The following TMTC1 variants were observed in gnomAD, a reference collection of about 807,000 sequenced individuals.
TMTC1 encodes the protein transmembrane O-mannosyltransferase targeting cadherins 1.
A neutral mutation model predicts 104.8 loss-of-function variants in TMTC1; 73 were observed. The observed-to-expected ratio is 0.70, with a 90% CI of 0.58 to 0.85. The LOEUF (loss-of-function observed/expected upper bound fraction) is 0.85, where lower values mean the gene tolerates loss of function less well. Among genes scored for constraint, TMTC1 ranks in the 40% least tolerant of loss-of-function variants. TMTC1 has a pLI of 0.00. For synonymous variants in TMTC1, 434 were observed against 428.7 expected (o/e 1.01, Z -0.15); for missense variants, 1,035 against 1,096.1 (o/e 0.94, Z 0.79).
Position 29,737,552 on chromosome 12 carries a change from G to A in TMTC1, c.938+14114C>T, listed in dbSNP as rs374694281. Among the ~76,000 whole-genome samples, 7 of 152,204 alleles carry A rather than the reference G, an allele frequency of 4.6e-5. No individual in the cohort carries two copies. The South Asian group carries it at 1.2e-3, about 27-fold the overall frequency. The stretch of plus-strand genomic sequence containing the variant: ...TAAAAATAAAAAAAGGGCGGCGGGA[G>A]GGGGGAAGCCACTCAGGGAAAAGGG... On this transcript the variant is annotated intron_variant, in intron 5 of 17. Transcript: ENST00000539277.
Position 29,561,130 on chromosome 12 carries a change from C to T in TMTC1, c.1533-4130G>A, listed in dbSNP as rs184764272. Among the ~76,000 whole-genome samples, 573 of 151,066 alleles carry T rather than the reference C, an allele frequency of 3.8e-3. 4 individuals carry two copies. Among genetic ancestry groups the T allele is most frequent in the Admixed American group, 4.7e-3 (72 of 15,178 alleles). ...AGCCTAGGAGTTTGAGGCTGCAGGG[C>T]GCTATGATGGTATCATTGCACTCCA... On this transcript the variant is annotated intron_variant, in intron 9 of 17. Transcript: ENST00000539277.
intron 1 of TMTC1, among the ~76,000 whole-genome samples, chr12:29,774,314 G>T (rs1943659595): frequency 6.6e-6 from 1 of 152,142 alleles, no homozygotes; most frequent in African/African-American, 2.4e-5. Context: ...TCAAAGTCAG[G>T]TGATACTCAG....
At chr12:29,583,625 C>T (rs376676095) in intron 7 of TMTC1, 51 bp from the exon 8 acceptor site, 2 of 1,521,518 alleles carry the variant, frequency 1.3e-6, no homozygotes, top group African/African-American at 1.4e-5. Flanking sequence ...GCAATAGCTT[C>T]CCCCCAGAAT....
chr12:29,737,002 C>T (rs1167413913), intron 5 of TMTC1, among the ~76,000 whole-genome samples: 1 of 152,200 alleles, frequency 6.6e-6, no homozygotes, highest in Non-Finnish European at 1.5e-5. Context: ...GCCTCTATCC[C>T]GCAACAGCTA....
intron 7 of TMTC1, among the ~76,000 whole-genome samples, chr12:29,596,279 T>C (rs1264772439): frequency 1.3e-5 from 2 of 152,236 alleles, no homozygotes; most frequent in Non-Finnish European, 2.9e-5. Context: ...AGTGCTGGGA[T>C]TACAGGTGTG....
In TMTC1 at chr12:29,635,013, G is replaced by A. The variant is rs568037798; in HGVS notation, c.939-1677C>T. On this transcript the variant is annotated intron_variant, in intron 5 of 17. Coordinates refer to ENST00000539277, the MANE Select transcript of TMTC1 (RefSeq NM_001193451.2). Reference sequence around the variant, plus strand: ...CAGGGCAGGAGGGAGATTATTTACCGCTCAGACTCTCAAACCCCAACAAAG... The same window carrying A: ...CAGGGCAGGAGGGAGATTATTTACCACTCAGACTCTCAAACCCCAACAAAG... Among the ~76,000 whole-genome samples, 4 of 152,196 alleles carry A rather than the reference G, an allele frequency of 2.6e-5. No individual in the cohort carries two copies. In the East Asian group the frequency reaches 5.8e-4, roughly 22 times the overall value.
intron 6 of TMTC1, among the ~76,000 whole-genome samples, chr12:29,604,557 C>T (rs902937937): frequency 3.9e-5 from 6 of 152,234 alleles, no homozygotes; most frequent in South Asian, 4.2e-4. Flanking sequence ...AGTCAGTGAC[C>T]GCTACCTGTT....
intron 7 of TMTC1, among the ~76,000 whole-genome samples, chr12:29,599,586 G>A: frequency 6.6e-6 from 1 of 152,162 alleles, no homozygotes; most frequent in Admixed American, 6.6e-5. Context: ...GACTCATTCT[G>A]CACTTTTCTT....
At chr12:29,621,378 A>AC (rs776380312) in intron 6 of TMTC1, among the ~76,000 whole-genome samples, 85 of 152,376 alleles carry the variant, frequency 5.6e-4, no homozygotes, top group Non-Finnish European at 1.1e-3. Flanking sequence ...CAGTTCAACC[A>AC]TATGGATCTA....
intron 5 of TMTC1, among the ~76,000 whole-genome samples, chr12:29,687,109 A>AT (rs1342666544): frequency 6.6e-6 from 1 of 152,230 alleles, no homozygotes; most frequent in Non-Finnish European, 1.5e-5. Flanking sequence ...AAAATAGTGG[A>AT]TTTTAAAACT....
At chr12:29,733,634 C>G (rs1942600388) in intron 5 of TMTC1, among the ~76,000 whole-genome samples, 1 of 152,132 alleles carries the variant, frequency 6.6e-6, no homozygotes, top group Non-Finnish European at 1.5e-5. Context: ...ATAAAAATTT[C>G]CATCTTCTGA....
At chr12:29,643,461 G>T in intron 5 of TMTC1, among the ~76,000 whole-genome samples, 2 of 32,510 alleles carry the variant, frequency 6.2e-5, no homozygotes, top group Admixed American at 3.0e-4. Context: ...TATATATGAT[G>T]GAATATATAT....
chr12:29,621,721 C>T (rs1435615179), intron 6 of TMTC1, among the ~76,000 whole-genome samples: 1 of 152,158 alleles, frequency 6.6e-6, no homozygotes, highest in Non-Finnish European at 1.5e-5. Flanking sequence ...TTTATCAGCT[C>T]TGTGTGGTGT....
At chr12:29,585,583 G>T (rs1423637659) in intron 7 of TMTC1, among the ~76,000 whole-genome samples, 3 of 152,122 alleles carry the variant, frequency 2.0e-5, no homozygotes, top group African/African-American at 7.2e-5. Flanking sequence ...GGTCTAACAT[G>T]TAAGTCTTTA....
At chr12:29,584,317 C>T (rs1350543339) in intron 7 of TMTC1, among the ~76,000 whole-genome samples, 1 of 152,194 alleles carries the variant, frequency 6.6e-6, no homozygotes, top group Non-Finnish European at 1.5e-5. Flanking sequence ...TACTTTCTGC[C>T]TGCCACTTGG....
chr12:29,588,107 G>C (rs1030073217), intron 7 of TMTC1, among the ~76,000 whole-genome samples: 12 of 152,102 alleles, frequency 7.9e-5, no homozygotes. Flanking sequence ...TTTGGCCAAA[G>C]AGAGTCACCA....
intron 5 of TMTC1, among the ~76,000 whole-genome samples, chr12:29,650,050 T>C (rs1240612730): frequency 6.6e-6 from 1 of 152,052 alleles, no homozygotes; most frequent in Non-Finnish European, 1.5e-5. Flanking sequence ...ATTTAGAGCA[T>C]CTTCTTACTT....
chr12:29,762,849 T>C (rs1014251749), intron 2 of TMTC1, among the ~76,000 whole-genome samples: 1 of 152,218 alleles, frequency 6.6e-6, no homozygotes, highest in Non-Finnish European at 1.5e-5. Flanking sequence ...AAAGCCGAAG[T>C]GTATACAGGT....
intron 7 of TMTC1, among the ~76,000 whole-genome samples, chr12:29,588,159 C>A (rs1315606876): frequency 6.6e-6 from 1 of 152,096 alleles, no homozygotes; most frequent in East Asian, 1.9e-4. Flanking sequence ...CTAAGGAGAC[C>A]CATGTTCTCC....
Sources: allele counts gnomAD v4.1 joint callset (sites outside exome capture counted in the v4.1 genomes callset), GRCh38; gene constraint gnomAD v4.1.1; transcripts MANE v1.5; gene names NCBI Gene and HGNC (gene_info 2026-07-23, HGNC 2026-07-21).